RPAP2: variants seen among roughly 807,000 people sequenced by gnomAD.
RPAP2 encodes the protein putative RNA polymerase II subunit B1 CTD phosphatase RPAP2.
RPAP2 carries 52 observed loss-of-function variants against 73.1 expected under a neutral mutation model. The observed-to-expected ratio is 0.71, with a 90% CI of 0.57 to 0.90. The LOEUF (loss-of-function observed/expected upper bound fraction) is 0.90. RPAP2 is among the 40% of genes least tolerant of loss of function. The pLI, the probability that RPAP2 is intolerant of heterozygous loss-of-function variation, is 0.00. For synonymous variants in RPAP2, 225 were observed against 242.1 expected (o/e 0.93, Z 0.65); for missense variants, 598 against 701.8 (o/e 0.85, Z 1.67).
intron 11 of RPAP2, among the ~76,000 whole-genome samples, chr1:92,362,967 A>C (rs1418611314): frequency 6.6e-6 from 1 of 152,222 alleles, no homozygotes; most frequent in Non-Finnish European, 1.5e-5. Flanking sequence ...AACATATAAA[A>C]TTAAGTGCCA....
In RPAP2 at chr1:92,338,036, A is replaced by C. The variant is rs1653375809; in HGVS notation, c.1619+1609A>C. ...TCATTCTGTTTTCCTAAATAATTGA[A>C]AGTTATTACTGATTGTTTTATACTT... On this transcript the variant is annotated intron_variant, in intron 10 of 12. Transcript: ENST00000610020. Among the ~76,000 whole-genome samples, 3 of 152,162 alleles carry C rather than the reference A, an allele frequency of 2.0e-5. No individual in the cohort carries two copies. The South Asian group carries it at 6.2e-4, about 32-fold the overall frequency.
rs1473223420 is a variant in RPAP2, at chr1:92,391,552, T to C, written c.*4541T>C. ...AAGATCAGAGCAGAACTGAAGGAGATAGAGACTCAACAAACCCTTCAAAAA... is the reference window on the plus strand; with the variant it reads ...AAGATCAGAGCAGAACTGAAGGAGACAGAGACTCAACAAACCCTTCAAAAA... On this transcript the variant is annotated 3_prime_UTR_variant, in exon 13 of 13. Coordinates refer to ENST00000610020, the MANE Select transcript of RPAP2 (RefSeq NM_024813.3). The C allele has an allele frequency of 1.3e-5, 2 of 152,018 alleles. No individual in the cohort carries two copies. Among genetic ancestry groups the C allele is most frequent in the Admixed American group, 6.6e-5 (1 of 15,254 alleles). 9.4% of individuals were successfully genotyped at this position (152,018 alleles called of 1,614,324 possible).
At chr1:92,371,828 G>C (rs1361624978) in intron 11 of RPAP2, among the ~76,000 whole-genome samples, 1 of 146,042 alleles carries the variant, frequency 6.8e-6, no homozygotes, top group Non-Finnish European at 1.5e-5. Flanking sequence ...GGAGATTGAG[G>C]CTGCAGTGAG....
At chr1:92,371,319 A>AAAAATATATATATATATATAT (rs1199565882) in intron 11 of RPAP2, among the ~76,000 whole-genome samples, 1 of 61,730 alleles carries the variant, frequency 1.6e-5, no homozygotes, top group African/African-American at 7.2e-5. Flanking sequence ...AAAAAAAAAA[A>AAAAATATATATATATATATAT]ATATATATAT....
chr1:92,391,864 C>G lies in RPAP2; in HGVS notation c.*4853C>G, dbSNP rs574088856. ...GTTGAATCTCTGAATAAACCAGTAA[C>G]AGGTTCTGAAATTGAGGCAATAATT... On this transcript the variant is annotated 3_prime_UTR_variant, in exon 13 of 13. Transcript: ENST00000610020. 15 of 152,294 alleles carry G rather than the reference C, an allele frequency of 9.8e-5. No homozygotes were observed. The highest frequency in any genetic ancestry group is 3.6e-4 in the African/African-American group (15 of 41,570). 9.4% of individuals were successfully genotyped at this position (152,294 alleles called of 1,614,324 possible). A position where few individuals can be genotyped will look rare whatever the true frequency, so the allele number is the denominator to read the frequency against.
At chr1:92,325,973 T>C (rs1042977959) in intron 8 of RPAP2, among the ~76,000 whole-genome samples, 7 of 152,174 alleles carry the variant, frequency 4.6e-5, no homozygotes, top group African/African-American at 1.7e-4. Context: ...GGGGCTATTA[T>C]GAACAATATT....
chr1:92,381,197 A>G (rs556926054), intron 12 of RPAP2, among the ~76,000 whole-genome samples: 51 of 152,314 alleles, frequency 3.3e-4, no homozygotes, highest in African/African-American at 1.2e-3. Flanking sequence ...CTTCCCAGGA[A>G]GTAGCAGTTT....
At chr1:92,334,999 TAAAAATAA>T (rs1653194801) in intron 9 of RPAP2, among the ~76,000 whole-genome samples, 1 of 151,136 alleles carries the variant, frequency 6.6e-6, no homozygotes, top group South Asian at 2.1e-4. Flanking sequence ...AAAAAATAAA[TAAAAATAA>T]AAATTAATCG....
intron 11 of RPAP2, among the ~76,000 whole-genome samples, chr1:92,358,743 C>G (rs1006808664): frequency 3.3e-5 from 5 of 151,800 alleles, no homozygotes; most frequent in African/African-American, 1.2e-4. Flanking sequence ...ATGCACCATC[C>G]TGCTCAGCTT....
At chr1:92,331,268 A>G (rs1212509500) in intron 8 of RPAP2, among the ~76,000 whole-genome samples, 3 of 152,192 alleles carry the variant, frequency 2.0e-5, no homozygotes, top group Non-Finnish European at 4.4e-5. Context: ...TAATGTGGTC[A>G]AGGACAATCT....
chr1:92,335,875 T>TC, intron 9 of RPAP2, among the ~76,000 whole-genome samples: 1 of 152,276 alleles, frequency 6.6e-6, no homozygotes, highest in East Asian at 1.9e-4. Flanking sequence ...TAGATTAAAT[T>TC]TTTTTCATAG....
chr1:92,389,534 G>C lies in RPAP2; in HGVS notation c.*2523G>C, dbSNP rs1300561143. 6.6e-6 allele frequency: 1 copy of C among 152,232 alleles called. No homozygotes were observed. Among genetic ancestry groups the C allele is most frequent in the Non-Finnish European group, 1.5e-5 (1 of 68,046 alleles). The allele number at this position is 152,232 out of a possible 1,614,324, so 9.4% of individuals were successfully genotyped here. A position where few individuals can be genotyped will look rare whatever the true frequency, so the allele number is the denominator to read the frequency against. On this transcript the variant is annotated 3_prime_UTR_variant, in exon 13 of 13. Transcript: ENST00000610020. The stretch of plus-strand genomic sequence containing the variant: ...GCCAGCAAGGGAACAAAACTGGACA[G>C]AGAATGAGTTTGACAAGTTGACAGA...
At chr1:92,332,373 A>T (rs1189498140) in intron 8 of RPAP2, among the ~76,000 whole-genome samples, 1 of 152,038 alleles carries the variant, frequency 6.6e-6, no homozygotes, top group African/African-American at 2.4e-5. Flanking sequence ...TTTTTCTTTG[A>T]ATATATTAAA....
At chr1:92,369,585 A>G (rs1481408449) in intron 11 of RPAP2, among the ~76,000 whole-genome samples, 1 of 152,160 alleles carries the variant, frequency 6.6e-6, no homozygotes, top group Non-Finnish European at 1.5e-5. Context: ...GATTGCAGGT[A>G]TAAGTCACCA....
chr1:92,329,505 T>C (rs1053684805), intron 8 of RPAP2, among the ~76,000 whole-genome samples: 5 of 152,220 alleles, frequency 3.3e-5, no homozygotes, highest in African/African-American at 9.6e-5. Context: ...GGCTGAGAAC[T>C]TGCCCCAGGC....
chr1:92,345,948 T>A, intron 11 of RPAP2, 34 bp downstream of exon 11: 1 of 1,413,068 alleles, frequency 7.1e-7, no homozygotes, highest in East Asian at 2.3e-5. Context: ...CTCTAAATAC[T>A]AAATGTGAAG....
chr1:92,307,074 T>C (rs1398671006), intron 5 of RPAP2, 114 bp from the exon 6 acceptor site: 1 of 697,464 alleles, frequency 1.4e-6, no homozygotes, highest in Non-Finnish European at 2.3e-6. Flanking sequence ...GGGTGGTAGA[T>C]CTGTAGGTTT....
intron 6 of RPAP2, among the ~76,000 whole-genome samples, chr1:92,320,313 G>A (rs893221339): frequency 1.3e-5 from 2 of 151,480 alleles, no homozygotes; most frequent in East Asian, 1.9e-4. Flanking sequence ...TCGCTCTGTC[G>A]CCAGGCTGGA....
At chr1:92,364,987 A>G (rs1271465261) in intron 11 of RPAP2, among the ~76,000 whole-genome samples, 1 of 152,070 alleles carries the variant, frequency 6.6e-6, no homozygotes, top group Admixed American at 6.6e-5. Context: ...TTTCCCTTTT[A>G]TGTCTTCACA....
Sources: allele counts gnomAD v4.1 joint callset (sites outside exome capture counted in the v4.1 genomes callset), GRCh38; gene constraint gnomAD v4.1.1; transcripts MANE v1.5; gene names NCBI Gene and HGNC (gene_info 2026-07-23, HGNC 2026-07-21).